Variants in FHIT observed in about 807,000 individuals in gnomAD.
The protein encoded by FHIT is bis(5'-adenosyl)-triphosphatase.
In FHIT, 19 loss-of-function variants were observed where a neutral mutation model predicts 17.9. The observed-to-expected ratio is 1.06, with a 90% CI of 0.74 to 1.56. FHIT has a LOEUF of 1.56. Ranked by LOEUF, FHIT falls within the 40% of genes most tolerant of loss-of-function variation. The probability of loss-of-function intolerance (pLI) is 0.00; values close to 1 mark genes in which losing one functional copy is unlikely to be tolerated. For missense variants in FHIT, 248 were observed against 189.2 expected (o/e 1.31, Z -1.82); for synonymous variants, 81 against 69.7 (o/e 1.16, Z -0.81).
intron 3 of FHIT, among the ~76,000 whole-genome samples, chr3:60,924,066 C>T (rs1707442635): frequency 1.3e-5 from 2 of 152,170 alleles, no homozygotes; most frequent in African/African-American, 4.8e-5. Context: ...CCTGGAAGCT[C>T]GAACTCGGTG....
chr3:60,523,939 C>G (rs1486749913), intron 5 of FHIT, among the ~76,000 whole-genome samples: 1 of 152,194 alleles, frequency 6.6e-6, no homozygotes, highest in Non-Finnish European at 1.5e-5. Context: ...ACTATGTTAA[C>G]CATTGCAGTA....
chr3:60,945,054 G>A (rs782177132), intron 3 of FHIT, among the ~76,000 whole-genome samples: 1 of 152,110 alleles, frequency 6.6e-6, no homozygotes. Context: ...GAAGGAAAAC[G>A]AAGCAGGGCA....
intron 4 of FHIT, among the ~76,000 whole-genome samples, chr3:60,565,456 G>T (rs773944961): frequency 8.5e-5 from 13 of 152,250 alleles, no homozygotes; most frequent in Middle Eastern, 3.4e-3. Context: ...ATAACACCTA[G>T]TTCCCACTTC....
At chr3:60,612,593 C>A (rs1339575253) in intron 4 of FHIT, among the ~76,000 whole-genome samples, 1 of 152,136 alleles carries the variant, frequency 6.6e-6, no homozygotes, top group African/African-American at 2.4e-5. Flanking sequence ...CTTCTTATAG[C>A]CAGGTCACCC....
intron 5 of FHIT, among the ~76,000 whole-genome samples, chr3:60,534,823 G>A (rs1487798933): frequency 1.3e-5 from 2 of 152,172 alleles, no homozygotes; most frequent in Non-Finnish European, 1.5e-5. Flanking sequence ...GAAACGAGTT[G>A]TCATTCACTA....
intron 2 of FHIT, among the ~76,000 whole-genome samples, chr3:61,117,090 TTTA>T (rs1474946072): frequency 6.6e-6 from 1 of 152,106 alleles, no homozygotes; most frequent in Non-Finnish European, 1.5e-5. Context: ...TTCCAATAAT[TTTA>T]TTAAGGCCTT....
chr3:60,097,582 A>C (rs1225196696), intron 5 of FHIT, among the ~76,000 whole-genome samples: 1 of 152,152 alleles, frequency 6.6e-6, no homozygotes, highest in African/African-American at 2.4e-5. Context: ...CAGCCTACTT[A>C]ATGTGAAGAC....
At chr3:59,848,125 C>T (rs764974869) in intron 8 of FHIT, among the ~76,000 whole-genome samples, 1 of 152,140 alleles carries the variant, frequency 6.6e-6, no homozygotes, top group Non-Finnish European at 1.5e-5. Context: ...CCCACCGTGG[C>T]TCCCACAAGC....
At chr3:61,080,248 A>G (rs1395960621) in intron 2 of FHIT, among the ~76,000 whole-genome samples, 4 of 152,186 alleles carry the variant, frequency 2.6e-5, no homozygotes, top group Non-Finnish European at 4.4e-5. Context: ...TATGCACAAT[A>G]TAATCAAATC....
chr3:60,640,490 T>A (rs1262895729), intron 4 of FHIT, among the ~76,000 whole-genome samples: 1 of 152,214 alleles, frequency 6.6e-6, no homozygotes, highest in African/African-American at 2.4e-5. Flanking sequence ...TGGTATTTTC[T>A]ACATCTTTGA....
At chr3:60,690,801 G>A (rs548546086) in intron 4 of FHIT, 19 of 340,060 alleles carry the variant, frequency 5.6e-5, no homozygotes, top group Middle Eastern at 9.3e-4. Flanking sequence ...TTCTCTCTCA[G>A]TTACCTGGGC....
chr3:60,488,625 G>A (rs1034281987), intron 5 of FHIT, among the ~76,000 whole-genome samples: 2 of 152,070 alleles, frequency 1.3e-5, no homozygotes, highest in Non-Finnish European at 2.9e-5. Flanking sequence ...CAATAGCTAT[G>A]TACAATAGAA....
chr3:61,079,244 T>C (rs2035059415), intron 2 of FHIT, among the ~76,000 whole-genome samples: 1 of 152,176 alleles, frequency 6.6e-6, no homozygotes, highest in Non-Finnish European at 1.5e-5. Flanking sequence ...GGTCTTAATA[T>C]ACTGCCTGGA....
intron 3 of FHIT, chr3:60,912,700 T>C (rs906261546): frequency 2.0e-6 from 1 of 504,028 alleles, no homozygotes; most frequent in South Asian, 1.5e-5. Flanking sequence ...GAGGAATCTA[T>C]GTAACAAGCT....
intron 7 of FHIT, among the ~76,000 whole-genome samples, chr3:59,947,453 G>C (rs1233959435): frequency 6.6e-6 from 1 of 152,000 alleles, no homozygotes; most frequent in African/African-American, 2.4e-5. Flanking sequence ...TTTTTTCAAA[G>C]ACCCAATTTA....
At chr3:59,973,893 T>C (rs189214614) in intron 7 of FHIT, among the ~76,000 whole-genome samples, 2 of 152,160 alleles carry the variant, frequency 1.3e-5, no homozygotes, top group East Asian at 1.9e-4. Context: ...CTATTTCTTC[T>C]TGTGGTACTA....
At chr3:60,744,663 C>A (rs781816156) in intron 4 of FHIT, among the ~76,000 whole-genome samples, 9 of 152,236 alleles carry the variant, frequency 5.9e-5, no homozygotes, top group South Asian at 2.1e-4. Context: ...CTTGCCTGAC[C>A]CAATACAGAG....
At chr3:59,750,503 T>TA (rs1321688967) in intron 9 of FHIT, 1 of 224,620 alleles carries the variant, frequency 4.5e-6, no homozygotes, top group African/African-American at 2.2e-5. Context: ...GCTTGATCCT[T>TA]AAAAAACGAG....
At chr3:59,812,091 C>A (rs1336828341) in intron 8 of FHIT, among the ~76,000 whole-genome samples, 2 of 152,062 alleles carry the variant, frequency 1.3e-5, no homozygotes, top group Non-Finnish European at 2.9e-5. Flanking sequence ...TTTTGATTGT[C>A]ATAACTGGTG....
Sources: allele counts gnomAD v4.1 joint callset (sites outside exome capture counted in the v4.1 genomes callset), GRCh38; gene constraint gnomAD v4.1.1; transcripts MANE v1.5; gene names NCBI Gene and HGNC (gene_info 2026-07-23, HGNC 2026-07-21).